The following KLKB1 variants were observed in gnomAD, a reference collection of about 807,000 sequenced individuals.
The protein encoded by KLKB1 is kallikrein B1, also known as plasma kallikrein.
In KLKB1, 58 loss-of-function variants were observed where a neutral mutation model predicts 73.6. The ratio of observed to expected loss-of-function variants is 0.79; its 90% CI spans 0.64 to 0.98. The LOEUF is 0.98. Among genes scored for constraint, KLKB1 ranks in the 50% least tolerant of loss-of-function variants. KLKB1 has a pLI of 0.00. For missense variants in KLKB1, 737 were observed against 763.8 expected (o/e 0.96, Z 0.41); for synonymous variants, 280 against 258.1 (o/e 1.08, Z -0.81).
At chr4:186,218,352 T>TA (rs551430604) in intron 2 of KLKB1, among the ~76,000 whole-genome samples, 55 of 152,068 alleles carry the variant, frequency 3.6e-4, no homozygotes, top group African/African-American at 1.2e-3. Context: ...GCAACTCTAA[T>TA]AAAAAAAAGT....
At chr4:186,243,543 A>T (rs1031499505) in intron 6 of KLKB1, among the ~76,000 whole-genome samples, 2 of 152,186 alleles carry the variant, frequency 1.3e-5, no homozygotes, top group Non-Finnish European at 2.9e-5. Context: ...GTGGGATCTG[A>T]TGCCTTTTGG....
At position 186,258,104 on chromosome 4, in the gene KLKB1, C is replaced by T. The variant is rs1739117089; in HGVS notation, c.1809C>T (p.Ala603=). ...VGITSWGEGC[A]RREQPGVYTK... is the part of the protein sequence containing the mutation. ...TCACCAGCTGGGGTGAAGGCTGTGC[C>T]CGCAGGGAGCAACCTGGTGTCTACA... is the stretch of plus-strand genomic sequence containing the variant. The change falls in exon 15 of 15, where the codon GCC becomes GCT. Residue 603 remains alanine (A), a synonymous_variant. Transcript: ENST00000264690. 1 of 1,613,998 alleles carries T rather than the reference C, an allele frequency of 6.2e-7. No homozygotes were observed.
At chr4:186,231,609 A>G (rs1309681827) in intron 2 of KLKB1, among the ~76,000 whole-genome samples, 1 of 152,236 alleles carries the variant, frequency 6.6e-6, no homozygotes, top group African/African-American at 2.4e-5. Flanking sequence ...CCGTCACAGG[A>G]CTTTCACTAA....
intron 6 of KLKB1, among the ~76,000 whole-genome samples, chr4:186,241,907 A>G (rs1210175725): frequency 1.3e-5 from 2 of 152,194 alleles, no homozygotes; most frequent in Non-Finnish European, 2.9e-5. Flanking sequence ...CAAAGTAAAA[A>G]CAATTTTAAC....
At chr4:186,255,169 C>G (rs1279270892) in intron 12 of KLKB1, among the ~76,000 whole-genome samples, 1 of 152,132 alleles carries the variant, frequency 6.6e-6, no homozygotes, top group Non-Finnish European at 1.5e-5. Flanking sequence ...AGGAAAGAGA[C>G]TCATGCAGAA....
intron 2 of KLKB1, chr4:186,210,892 A>G (rs897630846): frequency 1.1e-4 from 44 of 413,796 alleles, no homozygotes; most frequent in Non-Finnish European, 1.8e-4. Flanking sequence ...GGAGGAGTGC[A>G]GTGGTGTGAT....
At chr4:186,228,085 C>T in intron 1 of KLKB1, 110 bp from the exon 2 acceptor site, 10 of 722,212 alleles carry the variant, frequency 1.4e-5, no homozygotes, top group Non-Finnish European at 2.5e-5. Flanking sequence ...TAATTGTGTG[C>T]TTTGTCTTGC....
intron 11 of KLKB1, among the ~76,000 whole-genome samples, chr4:186,254,230 G>A (rs1738861622): frequency 6.6e-6 from 1 of 152,240 alleles, no homozygotes; most frequent in East Asian, 1.9e-4. Context: ...TCTGAATTTA[G>A]TGGAGCAATG....
chr4:186,214,075 C>T (rs1414901057), intron 2 of KLKB1, among the ~76,000 whole-genome samples: 3 of 152,148 alleles, frequency 2.0e-5, no homozygotes, highest in South Asian at 2.1e-4. Context: ...TTCTCCCCAA[C>T]GAGTTTTCCC....
chr4:186,234,499 A>G (rs1737555513), intron 4 of KLKB1, among the ~76,000 whole-genome samples: 1 of 152,100 alleles, frequency 6.6e-6, no homozygotes, highest in African/African-American at 2.4e-5. Flanking sequence ...ACTAGGGAGG[A>G]TGCTATTAGC....
intron 6 of KLKB1, among the ~76,000 whole-genome samples, chr4:186,240,346 CGTTGTA>C (rs971557143): frequency 2.0e-5 from 3 of 151,086 alleles, no homozygotes; most frequent in African/African-American, 7.3e-5. Context: ...GGTACAGTGA[CGTTGTA>C]ATAGTTATAG....
At position 186,254,654 on chromosome 4, in the gene KLKB1, TAC is replaced by T; in HGVS notation, c.1383_1384del (p.Pro462PhefsTer14). ...ILNLSDITKD[T>X]PFSQIKEIII... Reference sequence around the variant, plus strand: ...TAAATCTGTCAGACATTACAAAAGATACACCTTTCTCACAAATAAAAGAGATT... The same window carrying T: ...TAAATCTGTCAGACATTACAAAAGATACCTTTCTCACAAATAAAAGAGATT... On this transcript the variant is annotated frameshift_variant, in exon 12 of 15. Coordinates refer to ENST00000264690, the MANE Select transcript of KLKB1 (RefSeq NM_000892.5). LOFTEE classifies it high-confidence loss of function. The T allele has an allele frequency of 6.2e-7, 1 of 1,613,680 alleles. No individual in the cohort carries two copies. The highest frequency in any genetic ancestry group is 8.5e-7 in the Non-Finnish European group (1 of 1,179,590).
chr4:186,215,534 T>G (rs1346339271), intron 2 of KLKB1, among the ~76,000 whole-genome samples: 1 of 152,104 alleles, frequency 6.6e-6, no homozygotes, highest in Non-Finnish European at 1.5e-5. Flanking sequence ...AGTTTTATGC[T>G]TATGGAAATA....
Position 186,238,350 on chromosome 4 carries a change from G to T in KLKB1, c.583G>T (p.Ala195Ser). Reference protein sequence around the residue: ...VESGFSLKPCALSEIGCHMNI... With the variant: ...VESGFSLKPCSLSEIGCHMNI... The stretch of plus-strand genomic sequence containing the variant: ...ATCTGGATTCTCACTGAAGCCCTGT[G>T]CCCTTTCAGAAATTGGTAATTGTAG... Residue 195 changes from alanine to serine, a missense_variant, in exon 6 of 15, where the codon GCC becomes TCC. Ala to Ser is a moderately conservative substitution (Grantham distance 99). Transcript: ENST00000264690. 1 of 1,612,210 alleles carries T rather than the reference G, an allele frequency of 6.2e-7. No individual in the cohort carries two copies.
chr4:186,248,797 C>T lies in KLKB1; in HGVS notation c.599-1446C>T, dbSNP rs866042587. Among the ~76,000 whole-genome samples, 8 of 152,232 alleles carry T rather than the reference C, an allele frequency of 5.3e-5. No individual in the cohort carries two copies. The Middle Eastern group carries it at 0.014, about 259-fold the overall frequency. On this transcript the variant is annotated intron_variant, in intron 6 of 14. Coordinates refer to ENST00000264690, the MANE Select transcript of KLKB1 (RefSeq NM_000892.5). ...CACAATGTTACATTCTTACCAGCAA[C>T]AATTGAGGGCTTCAGTCTCTCTACA...
chr4:186,250,950 GT>G, intron 7 of KLKB1: 1 of 455,858 alleles, frequency 2.2e-6, no homozygotes, highest in Non-Finnish European at 3.9e-6. Context: ...TTTTTTGTTT[GT>G]TTTTCCAGTT....
Position 186,236,834 on chromosome 4 carries a change from G to A in KLKB1, c.382G>A (p.Val128Met). The A allele has an allele frequency of 6.2e-7, 1 of 1,613,802 alleles. No homozygotes were observed. Among genetic ancestry groups the A allele is most frequent in the Non-Finnish European group, 8.5e-7 (1 of 1,179,922 alleles). Residue 128 changes from valine (V) to methionine (M), a missense_variant, in exon 5 of 15, where the codon GTG becomes ATG. Physicochemically the swap from Val to Met is conservative, Grantham distance 21. Transcript: ENST00000264690. ...TGATATGAGAGGAGTCAATTTTAAT[G>A]TGTCTAAGGTTAGCAGTGTTGAAGA... Reference protein sequence around the residue: ...GVDMRGVNFNVSKVSSVEECQ... With the variant: ...GVDMRGVNFNMSKVSSVEECQ...
chr4:186,245,802 G>GGTTTTTTTTT (rs1738298819), intron 6 of KLKB1, among the ~76,000 whole-genome samples: 1 of 54,884 alleles, frequency 1.8e-5, no homozygotes, highest in Non-Finnish European at 4.3e-5. Flanking sequence ...AATTTTTGGA[G>GGTTTTTTTTT]TTTTTTTTTG....
chr4:186,213,682 G>T (rs555039508), intron 2 of KLKB1, among the ~76,000 whole-genome samples: 2 of 152,296 alleles, frequency 1.3e-5, no homozygotes, highest in African/African-American at 4.8e-5. Context: ...ACCTCTCCAG[G>T]TGATGGACTG....
Sources: allele counts gnomAD v4.1 joint callset (sites outside exome capture counted in the v4.1 genomes callset), GRCh38; gene constraint gnomAD v4.1.1; transcripts MANE v1.5; gene names NCBI Gene and HGNC (gene_info 2026-07-23, HGNC 2026-07-21).